Variants in PARD3 observed in about 807,000 individuals in gnomAD.
PARD3 encodes par-3 family cell polarity regulator.
Under a neutral mutation model 155.4 loss-of-function variants are expected in PARD3, and 75 were observed. The ratio of observed to expected loss-of-function variants is 0.48; its 90% CI spans 0.40 to 0.58. PARD3 has a LOEUF of 0.58. Ranked by LOEUF, PARD3 falls within the 20% of genes least tolerant of loss-of-function variation. The probability of loss-of-function intolerance (pLI) is 0.00; values close to 1 mark genes in which losing one functional copy is unlikely to be tolerated. For synonymous variants in PARD3, 576 were observed against 610.5 expected, an observed-to-expected ratio of 0.94 and a Z score of 0.83; for missense variants, 1,642 against 1,721.7, an observed-to-expected ratio of 0.95 and a Z score of 0.82.
chr10:34,768,953 G>A (rs982701357), intron 1 of PARD3, among the ~76,000 whole-genome samples: 2 of 152,158 alleles, frequency 1.3e-5, no homozygotes, highest in Admixed American at 6.5e-5. Context: ...AAACTTTACC[G>A]CTCAGCCCAC....
chr10:34,410,797 A>T (rs577982590), intron 5 of PARD3, among the ~76,000 whole-genome samples: 1 of 152,310 alleles, frequency 6.6e-6, no homozygotes, highest in Non-Finnish European at 1.5e-5. Flanking sequence ...TGTGGGAGAC[A>T]GAGACAGTGT....
intron 6 of PARD3, among the ~76,000 whole-genome samples, chr10:34,400,656 T>A (rs1338787619): frequency 2.0e-5 from 3 of 152,198 alleles, no homozygotes; most frequent in African/African-American, 7.2e-5. Flanking sequence ...ATTATGTTTC[T>A]AATATAAAAA....
At chr10:34,718,932 AAGCCTGGGGGACAAG>A (rs1248936808) in intron 1 of PARD3, among the ~76,000 whole-genome samples, 2 of 152,124 alleles carry the variant, frequency 1.3e-5, no homozygotes, top group East Asian at 3.9e-4. Flanking sequence ...CACTGCACTC[AAGCCTGGGGGACAAG>A]AGCGAGACTC....
At position 34,777,651 on chromosome 10, in the gene PARD3, C is replaced by A. The variant is rs113801785; in HGVS notation, c.120+37225G>T. On this transcript the variant is annotated intron_variant, in intron 1 of 24. Coordinates refer to ENST00000374788, the MANE Select transcript of PARD3 (RefSeq NM_001184785.2). ...GCTCAAGCAATCCTCCCACCTCAGC[C>A]TCCTGAGTAGCTGGAACTACAGGCA... is the stretch of plus-strand genomic sequence containing the variant. 5.5e-3 allele frequency among the ~76,000 whole-genome samples: 830 copies of A among 152,252 alleles called. 8 individuals carry two copies. The highest frequency in any genetic ancestry group is 0.019 in the African/African-American group (789 of 41,532).
chr10:34,529,148 TC>T (rs1007278104), intron 2 of PARD3, among the ~76,000 whole-genome samples: 2 of 152,130 alleles, frequency 1.3e-5, no homozygotes, highest in African/African-American at 4.8e-5. Context: ...AAAAAAGAGT[TC>T]GAGGCTAACT....
chr10:34,304,989 C>T (rs755175153), intron 20 of PARD3, among the ~76,000 whole-genome samples: 23 of 152,160 alleles, frequency 1.5e-4, no homozygotes, highest in Middle Eastern at 3.4e-3. Flanking sequence ...AATTGAGAAA[C>T]CTTAATATAG....
At chr10:34,780,264 T>C (rs1840088208) in intron 1 of PARD3, among the ~76,000 whole-genome samples, 1 of 152,242 alleles carries the variant, frequency 6.6e-6, no homozygotes, top group South Asian at 2.1e-4. Flanking sequence ...TGAATGCTCC[T>C]TACCATAGAG....
At chr10:34,645,080 T>A (rs1201555123) in intron 2 of PARD3, among the ~76,000 whole-genome samples, 1 of 152,216 alleles carries the variant, frequency 6.6e-6, no homozygotes, top group Admixed American at 6.5e-5. Flanking sequence ...CTCAAACTCC[T>A]GGCCTCAAAT....
Position 34,814,871 on chromosome 10 carries a change from C to G in PARD3, c.120+5G>C. On this transcript the variant is annotated splice_donor_5th_base_variant and intron_variant, in intron 1 of 24. Transcript: ENST00000374788. ...CCCTCCCCGCCCGCGCCCCCGGCCC[C>G]TCACCTTGGCGATGGCCTTCCGGTA... is the stretch of plus-strand genomic sequence containing the variant. The G allele has an allele frequency of 6.6e-7, 1 of 1,514,206 alleles. No homozygotes were observed. The highest frequency in any genetic ancestry group is 8.9e-7 in the Non-Finnish European group (1 of 1,128,984). 93.8% of individuals were successfully genotyped at this position (1,514,206 alleles called of 1,614,324 possible). A position where few individuals can be genotyped will look rare whatever the true frequency, so the allele number is the denominator to read the frequency against.
intron 2 of PARD3, among the ~76,000 whole-genome samples, chr10:34,668,085 A>G (rs2093532507): frequency 6.6e-6 from 1 of 152,190 alleles, no homozygotes; most frequent in Non-Finnish European, 1.5e-5. Flanking sequence ...AAAATAAGCA[A>G]GACAGTAACT....
At chr10:34,334,512 T>A (rs930296388) in intron 18 of PARD3, among the ~76,000 whole-genome samples, 1 of 151,810 alleles carries the variant, frequency 6.6e-6, no homozygotes, top group Non-Finnish European at 1.5e-5. Context: ...TATAAAATCA[T>A]AATCTTTCTT....
chr10:34,652,564 A>T (rs539835282), intron 2 of PARD3, among the ~76,000 whole-genome samples: 1 of 152,226 alleles, frequency 6.6e-6, no homozygotes. Context: ...ATATTCTTCA[A>T]GTAACAGACA....
At chr10:34,695,614 A>G (rs755085899) in intron 2 of PARD3, among the ~76,000 whole-genome samples, 27 of 152,080 alleles carry the variant, frequency 1.8e-4, no homozygotes, top group Admixed American at 5.9e-4. Flanking sequence ...ACAGAAAAAA[A>G]GTGGGGTAGT....
chr10:34,439,219 A>AT (rs1379023566), intron 5 of PARD3, among the ~76,000 whole-genome samples: 1 of 152,082 alleles, frequency 6.6e-6, no homozygotes, highest in Admixed American at 6.5e-5. Flanking sequence ...CCAGGCTTTC[A>AT]TTTTTTCAAT....
At chr10:34,304,787 T>C (rs1056724457) in intron 20 of PARD3, among the ~76,000 whole-genome samples, 3 of 152,196 alleles carry the variant, frequency 2.0e-5, no homozygotes, top group African/African-American at 7.2e-5. Context: ...TTGAAAACAA[T>C]GTTCTCTGCA....
intron 2 of PARD3, among the ~76,000 whole-genome samples, chr10:34,608,677 G>T (rs1471188241): frequency 6.6e-6 from 1 of 151,712 alleles, no homozygotes; most frequent in African/African-American, 2.4e-5. Flanking sequence ...TGGGATTACA[G>T]GTGCCTGCCA....
intron 2 of PARD3, among the ~76,000 whole-genome samples, chr10:34,529,007 T>G (rs2082658748): frequency 6.6e-6 from 1 of 152,038 alleles, no homozygotes; most frequent in Non-Finnish European, 1.5e-5. Flanking sequence ...GGTTTGTCAT[T>G]TGGGTGGTTG....
intron 22 of PARD3, among the ~76,000 whole-genome samples, chr10:34,144,900 C>T (rs1948381496): frequency 6.6e-6 from 1 of 152,062 alleles, no homozygotes; most frequent in Non-Finnish European, 1.5e-5. Context: ...ATCTAGGCTG[C>T]CTGCTTCCTG....
chr10:34,231,728 C>T (rs1952944398), intron 22 of PARD3, among the ~76,000 whole-genome samples: 1 of 151,884 alleles, frequency 6.6e-6, no homozygotes, highest in African/African-American at 2.4e-5. Flanking sequence ...TCATCTGCTC[C>T]AACAATGCCG....
Sources: allele counts gnomAD v4.1 joint callset (sites outside exome capture counted in the v4.1 genomes callset), GRCh38; gene constraint gnomAD v4.1.1; transcripts MANE v1.5; gene names NCBI Gene and HGNC (gene_info 2026-07-23, HGNC 2026-07-21).